PLPPR1: variants seen among roughly 807,000 people sequenced by gnomAD.
The protein encoded by PLPPR1 is phospholipid phosphatase-related protein type 1.
PLPPR1 carries 10 observed loss-of-function variants against 33.1 expected under a neutral mutation model. The ratio of observed to expected loss-of-function variants is 0.30; its 90% CI spans 0.19 to 0.51. PLPPR1 has a LOEUF of 0.51. Among genes scored for constraint, PLPPR1 ranks in the 20% least tolerant of loss-of-function variants. The pLI is 0.97. For synonymous variants in PLPPR1, 151 were observed against 151.0 expected (o/e 1.00, Z 0.00); for missense variants, 304 against 408.1 (o/e 0.74, Z 2.20).
intron 1 of PLPPR1, among the ~76,000 whole-genome samples, chr9:101,183,728 G>C (rs1455347048): frequency 6.7e-6 from 1 of 149,576 alleles, no homozygotes. Flanking sequence ...TGTGTGTGTA[G>C]CCATATACAT....
intron 4 of PLPPR1, among the ~76,000 whole-genome samples, chr9:101,305,643 T>G (rs533765126): frequency 6.6e-6 from 1 of 152,264 alleles, no homozygotes; most frequent in Non-Finnish European, 1.5e-5. Context: ...CACTGAGCAG[T>G]CTGGTTCTGT....
chr9:101,196,589 C>T (rs970870043), intron 2 of PLPPR1, among the ~76,000 whole-genome samples: 1 of 152,206 alleles, frequency 6.6e-6, no homozygotes, highest in Non-Finnish European at 1.5e-5. Flanking sequence ...TGGCCGGACG[C>T]GGCGGCTCAC....
intron 1 of PLPPR1, among the ~76,000 whole-genome samples, chr9:101,168,078 C>T (rs776074202): frequency 1.3e-5 from 2 of 152,112 alleles, no homozygotes; most frequent in African/African-American, 2.4e-5. Flanking sequence ...GATTCAATTA[C>T]GTCCCACCAG....
chr9:101,152,109 A>G (rs1831596734), intron 1 of PLPPR1, among the ~76,000 whole-genome samples: 1 of 152,184 alleles, frequency 6.6e-6, no homozygotes, highest in East Asian at 1.9e-4. Context: ...GTGAGATGCT[A>G]TCTCACTGTG....
At chr9:101,056,827 A>G (rs1830283544) in intron 1 of PLPPR1, among the ~76,000 whole-genome samples, 1 of 152,156 alleles carries the variant, frequency 6.6e-6, no homozygotes, top group Non-Finnish European at 1.5e-5. Context: ...TCAGTGGACC[A>G]GTGAGTTTAG....
Position 101,248,991 on chromosome 9 carries a change from G to C in PLPPR1, c.64-20889G>C, listed in dbSNP as rs139623251. Reference sequence around the variant, plus strand: ...GGAACAACTTAATCTAAGATTAGAGGGTAAAAAACAAAACAAATCTTTGCT... The same window carrying C: ...GGAACAACTTAATCTAAGATTAGAGCGTAAAAAACAAAACAAATCTTTGCT... On this transcript the variant is annotated intron_variant, in intron 2 of 7. Transcript: ENST00000374874. Among the ~76,000 whole-genome samples, 67 of 151,990 alleles carry C rather than the reference G, an allele frequency of 4.4e-4. 1 individual carries two copies. In the East Asian group the frequency reaches 0.012, roughly 28 times the overall value.
intron 1 of PLPPR1, among the ~76,000 whole-genome samples, chr9:101,180,851 C>G (rs1048123836): frequency 1.3e-5 from 2 of 151,622 alleles, no homozygotes; most frequent in Admixed American, 1.3e-4. Context: ...AGATATGACC[C>G]CAAAAGCACA....
At chr9:101,317,267 G>A (rs1829072565) in intron 6 of PLPPR1, 98 bp from the exon 7 acceptor site, 1 of 1,294,358 alleles carries the variant, frequency 7.7e-7, no homozygotes, top group African/African-American at 1.5e-5. Flanking sequence ...AGGTCACTCT[G>A]GTGATGATAT....
At chr9:101,149,960 T>G (rs1433142871) in intron 1 of PLPPR1, among the ~76,000 whole-genome samples, 1 of 152,166 alleles carries the variant, frequency 6.6e-6, no homozygotes, top group East Asian at 1.9e-4. Context: ...TCTATCATCT[T>G]TATAAAAATG....
intron 4 of PLPPR1, among the ~76,000 whole-genome samples, chr9:101,299,168 C>T (rs1228474941): frequency 6.6e-6 from 1 of 152,198 alleles, no homozygotes; most frequent in Non-Finnish European, 1.5e-5. Flanking sequence ...TAGAATTCAG[C>T]AACAGGAACC....
In PLPPR1 at chr9:101,269,935, C is replaced by G; in HGVS notation, c.119C>G (p.Thr40Ser). ...LLAYYFECTD[T>S]FQVHIQGFFC... ...GCCTACTACTTCGAATGCACTGACA[C>G]TTTTCAGGTGCATATCCAAGGATTC... Residue 40 changes from threonine to serine, a missense_variant, in exon 3 of 8, where the codon ACT becomes AGT. By Grantham distance (58) the Thr-to-Ser change is moderately conservative (BLOSUM62 1). Coordinates refer to ENST00000374874, the MANE Select transcript of PLPPR1 (RefSeq NM_207299.2). The G allele has an allele frequency of 2.5e-6, 4 of 1,614,150 alleles. No individual in the cohort carries two copies. Among genetic ancestry groups the G allele is most frequent in the Non-Finnish European group, 3.4e-6 (4 of 1,180,006 alleles).
At chr9:101,277,603 C>A (rs1371159700) in intron 3 of PLPPR1, among the ~76,000 whole-genome samples, 1 of 152,136 alleles carries the variant, frequency 6.6e-6, no homozygotes, top group Non-Finnish European at 1.5e-5. Flanking sequence ...ATCATAATGG[C>A]AAAGATGTTG....
intron 3 of PLPPR1, among the ~76,000 whole-genome samples, chr9:101,270,425 G>A (rs941592983): frequency 2.6e-5 from 4 of 152,192 alleles, no homozygotes; most frequent in African/African-American, 9.6e-5. Context: ...GATTCTGAAT[G>A]TAAGTGCTGG....
intron 7 of PLPPR1, among the ~76,000 whole-genome samples, chr9:101,320,081 C>G (rs1413701088): frequency 6.6e-6 from 1 of 152,166 alleles, no homozygotes; most frequent in South Asian, 2.1e-4. Context: ...AAATGAAGTG[C>G]TAAACAGGGT....
At chr9:101,165,774 T>A (rs1159009712) in intron 1 of PLPPR1, among the ~76,000 whole-genome samples, 2 of 152,204 alleles carry the variant, frequency 1.3e-5, no homozygotes, top group African/African-American at 2.4e-5. Flanking sequence ...ACTGTTTTAG[T>A]GTGAGGGATT....
At chr9:101,101,054 GT>G (rs752716396) in intron 1 of PLPPR1, among the ~76,000 whole-genome samples, 11 of 152,126 alleles carry the variant, frequency 7.2e-5, no homozygotes, top group Non-Finnish European at 1.6e-4. Flanking sequence ...TTAGTGTCTT[GT>G]TGAGCTTACT....
intron 1 of PLPPR1, among the ~76,000 whole-genome samples, chr9:101,130,280 C>A (rs73656150): frequency 0.073 from 11,138 of 152,164 alleles, 1,026 homozygotes; most frequent in African/African-American, 0.22. Flanking sequence ...GAAGCTCCTG[C>A]TTTGAGACAA....
intron 4 of PLPPR1, among the ~76,000 whole-genome samples, chr9:101,295,224 C>T (rs1186288946): frequency 1.2e-4 from 18 of 151,194 alleles, no homozygotes; most frequent in Non-Finnish European, 7.4e-5. Context: ...GAATAAAATA[C>T]CTAGGAATCC....
chr9:101,182,172 CATGTGGA>C (rs995431155), intron 1 of PLPPR1, among the ~76,000 whole-genome samples: 2 of 151,424 alleles, frequency 1.3e-5, no homozygotes, highest in African/African-American at 4.8e-5. Flanking sequence ...ATTTCACTTA[CATGTGGA>C]ATCTAAAAAA....
Sources: allele counts gnomAD v4.1 joint callset (sites outside exome capture counted in the v4.1 genomes callset), GRCh38; gene constraint gnomAD v4.1.1; transcripts MANE v1.5; gene names NCBI Gene and HGNC (gene_info 2026-07-23, HGNC 2026-07-21).